KIAA1549L: variants seen among roughly 807,000 people sequenced by gnomAD.
The protein encoded by KIAA1549L is UPF0606 protein KIAA1549L.
Under a neutral mutation model 160.7 loss-of-function variants are expected in KIAA1549L, and 88 were observed. That is an observed-to-expected ratio of 0.55 (90% CI 0.46 to 0.65). The LOEUF (loss-of-function observed/expected upper bound fraction) is 0.65. Among genes scored for constraint, KIAA1549L ranks in the 30% least tolerant of loss-of-function variants. The probability of loss-of-function intolerance (pLI) is 0.00; values close to 1 mark genes in which losing one functional copy is unlikely to be tolerated. For synonymous variants in KIAA1549L, 950 were observed against 976.7 expected, an observed-to-expected ratio of 0.97 and a Z score of 0.51; for missense variants, 2,258 against 2,437.5, an observed-to-expected ratio of 0.93 and a Z score of 1.55.
chr11:33,396,635 G>A (rs1349626437), intron 1 of KIAA1549L, among the ~76,000 whole-genome samples: 3 of 89,240 alleles, frequency 3.4e-5, no homozygotes, highest in Non-Finnish European at 6.6e-5. Flanking sequence ...CTTATCAATA[G>A]CATTAACTTT....
chr11:33,625,401 C>T (rs1357444022), intron 16 of KIAA1549L, among the ~76,000 whole-genome samples: 1 of 152,162 alleles, frequency 6.6e-6, no homozygotes, highest in Non-Finnish European at 1.5e-5. Flanking sequence ...CCTATTTCTC[C>T]ATATCCTCTC....
intron 1 of KIAA1549L, among the ~76,000 whole-genome samples, chr11:33,538,075 T>C (rs543061648): frequency 6.6e-6 from 1 of 152,284 alleles, no homozygotes; most frequent in African/African-American, 2.4e-5. Context: ...CTTACAATTA[T>C]GGTGGAAGGT....
intron 5 of KIAA1549L, 27 bp downstream of exon 5, chr11:33,551,286 T>C: frequency 1.3e-6 from 2 of 1,591,018 alleles, no homozygotes; most frequent in Non-Finnish European, 1.7e-6. Flanking sequence ...GAAGGGATTT[T>C]CATCCATTCT....
intron 16 of KIAA1549L, among the ~76,000 whole-genome samples, chr11:33,624,812 G>T (rs1851055197): frequency 6.7e-6 from 1 of 150,240 alleles, no homozygotes; most frequent in Non-Finnish European, 1.5e-5. Context: ...CAATGTGCAG[G>T]TTAGATACAT....
intron 1 of KIAA1549L, among the ~76,000 whole-genome samples, chr11:33,496,669 G>A (rs918017726): frequency 2.6e-5 from 4 of 151,974 alleles, no homozygotes; most frequent in Admixed American, 2.0e-4. Context: ...ACAACAACCC[G>A]CTCCCACCCC....
intron 20 of KIAA1549L, among the ~76,000 whole-genome samples, chr11:33,666,134 T>C (rs1852443100): frequency 2.0e-5 from 3 of 151,656 alleles, no homozygotes; most frequent in Admixed American, 1.3e-4. Flanking sequence ...ACAGCACAAT[T>C]TGGGTGGCTG....
At chr11:33,578,889 T>A (rs922185875) in intron 10 of KIAA1549L, among the ~76,000 whole-genome samples, 19 of 152,314 alleles carry the variant, frequency 1.2e-4, no homozygotes, top group African/African-American at 4.6e-4. Context: ...CCTCATGAGC[T>A]CTTTAAAAGC....
Position 33,419,857 on chromosome 11 carries a change from TATACATACATACATACATAC to T in KIAA1549L, c.238+43000_238+43019del, listed in dbSNP as rs60868652. Reference sequence around the variant, plus strand: ...GCAAGACTGTCTTTAAAAAAAATGTTATACATACATACATACATACATACATACATACATACATACATACA... The same window carrying T: ...GCAAGACTGTCTTTAAAAAAAATGTTATACATACATACATACATACATACA... On this transcript the variant is annotated intron_variant, in intron 1 of 20. Coordinates refer to ENST00000658780, the MANE Select transcript of KIAA1549L (RefSeq NM_012194.3). Among the ~76,000 whole-genome samples the T allele has an allele frequency of 1.1e-3, 144 of 136,496 alleles. 1 individual carries two copies. Among genetic ancestry groups the T allele is most frequent in the African/African-American group, 3.5e-3 (132 of 37,722 alleles). The allele number at this position is 136,496 out of a possible 152,430, so 89.5% of individuals were successfully genotyped here.
intron 1 of KIAA1549L, among the ~76,000 whole-genome samples, chr11:33,382,933 GAAAAT>G (rs147979347): frequency 0.087 from 13,184 of 152,054 alleles, 636 homozygotes; most frequent in South Asian, 0.13. Flanking sequence ...AAGAGACAGA[GAAAAT>G]AAAATAAGGA....
At position 33,641,600 on chromosome 11, in the gene KIAA1549L, A is replaced by G. The variant is rs1321429547; in HGVS notation, c.5410-4086A>G. On this transcript the variant is annotated intron_variant, in intron 16 of 20. Coordinates refer to ENST00000658780, the MANE Select transcript of KIAA1549L (RefSeq NM_012194.3). Reference sequence around the variant, plus strand: ...TATATATATATATATATATATATATATATATATATATATATATATATATAT... The same window carrying G: ...TATATATATATATATATATATATATGTATATATATATATATATATATATAT... Among the ~76,000 whole-genome samples, 19 of 27,244 alleles carry G rather than the reference A, an allele frequency of 7.0e-4. 1 individual carries two copies. The highest frequency in any genetic ancestry group is 2.0e-3 in the South Asian group (2 of 996). The allele number at this position is 27,244 out of a possible 152,430, so 17.9% of individuals were successfully genotyped here. A position where few individuals can be genotyped will look rare whatever the true frequency, so the allele number is the denominator to read the frequency against.
chr11:33,666,897 A>G (rs1852475910), intron 20 of KIAA1549L, among the ~76,000 whole-genome samples: 2 of 152,150 alleles, frequency 1.3e-5, no homozygotes, highest in African/African-American at 4.8e-5. Flanking sequence ...CCGACCTCCT[A>G]GCTTATTGCT....
Position 33,668,420 on chromosome 11 carries a change from A to G in KIAA1549L, c.*266A>G. On this transcript the variant is annotated 3_prime_UTR_variant, in exon 21 of 21. Coordinates refer to ENST00000658780, the MANE Select transcript of KIAA1549L (RefSeq NM_012194.3). ...CATGTCAAATGTTTGAACTTTGGGC[A>G]TGTGCCCTATGGAAGCTTAGTCACA... The G allele has an allele frequency of 5.9e-6, 3 of 504,566 alleles. No individual in the cohort carries two copies. Among genetic ancestry groups the G allele is most frequent in the East Asian group, 3.3e-5 (1 of 30,210 alleles). The allele number at this position is 504,566 out of a possible 1,614,324, so 31.3% of individuals were successfully genotyped here.
chr11:33,521,157 C>G (rs1028876919), intron 1 of KIAA1549L, among the ~76,000 whole-genome samples: 1 of 152,150 alleles, frequency 6.6e-6, no homozygotes, highest in Non-Finnish European at 1.5e-5. Flanking sequence ...GGAAACAGAG[C>G]AAGACCCCGT....
intron 16 of KIAA1549L, among the ~76,000 whole-genome samples, chr11:33,634,146 A>C (rs1474809435): frequency 1.3e-5 from 2 of 152,122 alleles, no homozygotes; most frequent in African/African-American, 4.8e-5. Flanking sequence ...GGGTTCAAGC[A>C]ATTCTCCTGC....
At chr11:33,642,905 G>A (rs1316672811) in intron 16 of KIAA1549L, among the ~76,000 whole-genome samples, 1 of 152,212 alleles carries the variant, frequency 6.6e-6, no homozygotes, top group Non-Finnish European at 1.5e-5. Flanking sequence ...AAGCTTGATT[G>A]AATGCCAAGT....
intron 6 of KIAA1549L, among the ~76,000 whole-genome samples, chr11:33,558,057 G>A (rs567439175): frequency 3.9e-5 from 6 of 152,174 alleles, no homozygotes; most frequent in African/African-American, 9.7e-5. Flanking sequence ...CATTCTATGC[G>A]TGTAAGAAAA....
chr11:33,431,753 AG>A (rs1369366627), intron 1 of KIAA1549L, among the ~76,000 whole-genome samples: 1 of 152,226 alleles, frequency 6.6e-6, no homozygotes, highest in African/African-American at 2.4e-5. Context: ...TGCACTTCTC[AG>A]CCCTTGGGTG....
chr11:33,563,925 C>T lies in KIAA1549L; in HGVS notation c.4078+2190C>T, dbSNP rs865886619. On this transcript the variant is annotated intron_variant, in intron 8 of 20. Transcript: ENST00000658780. ...TTGTGTCATCTTTTCTTCATCTACC[C>T]GTGTCTTGCCGTGCCTCTATTTTGG... Among the ~76,000 whole-genome samples, 5 of 152,164 alleles carry T rather than the reference C, an allele frequency of 3.3e-5. 1 individual carries two copies. The South Asian group carries it at 6.2e-4, about 19-fold the overall frequency.
At chr11:33,485,241 A>C (rs1421011305) in intron 1 of KIAA1549L, among the ~76,000 whole-genome samples, 3 of 152,218 alleles carry the variant, frequency 2.0e-5, no homozygotes, top group African/African-American at 2.4e-5. Context: ...TTCGAGTCCC[A>C]AAATTTTCAA....
Sources: allele counts gnomAD v4.1 joint callset (sites outside exome capture counted in the v4.1 genomes callset), GRCh38; gene constraint gnomAD v4.1.1; transcripts MANE v1.5; gene names NCBI Gene and HGNC (gene_info 2026-07-23, HGNC 2026-07-21).